ZMYM2: variants seen among roughly 807,000 people sequenced by gnomAD.
ZMYM2 encodes the protein zinc finger MYM-type containing 2.
Under a neutral mutation model 162.8 loss-of-function variants are expected in ZMYM2, and 56 were observed. The observed-to-expected ratio is 0.34, with a 90% confidence interval of 0.28 to 0.43. The LOEUF is 0.43. Ranked by LOEUF, ZMYM2 falls within the 20% of genes least tolerant of loss-of-function variation. ZMYM2 has a pLI of 1.00. For synonymous variants in ZMYM2, 510 were observed against 541.6 expected, an observed-to-expected ratio of 0.94 and a Z score of 0.81; for missense variants, 1,275 against 1,621.8, an observed-to-expected ratio of 0.79 and a Z score of 3.67.
At chr13:19,987,620 C>T (rs1293130499) in intron 2 of ZMYM2, among the ~76,000 whole-genome samples, 2 of 121,300 alleles carry the variant, frequency 1.6e-5, no homozygotes, top group Non-Finnish European at 3.3e-5. Flanking sequence ...GGGGTTTTGT[C>T]GTGTGTGTGT....
intron 9 of ZMYM2, among the ~76,000 whole-genome samples, chr13:20,029,305 G>A (rs184128236): frequency 3.3e-5 from 5 of 152,308 alleles, no homozygotes; most frequent in African/African-American, 9.6e-5. Flanking sequence ...ATTAGATCAC[G>A]AGGGTGGAGC....
intron 21 of ZMYM2, among the ~76,000 whole-genome samples, chr13:20,081,743 T>C (rs1267248578): frequency 1.1e-4 from 16 of 152,134 alleles, no homozygotes; most frequent in Admixed American, 8.5e-4. Flanking sequence ...CTTTTTTTTT[T>C]CTGTCTGACA....
chr13:19,945,738 T>G, the ZMYM2 span, among the ~76,000 whole-genome samples: 2 of 151,728 alleles, frequency 1.3e-5, no homozygotes, highest in African/African-American at 4.8e-5. Flanking sequence ...TTAGAAAAGT[T>G]TTTTCACCAG....
the ZMYM2 span, among the ~76,000 whole-genome samples, chr13:19,870,101 A>G: frequency 6.6e-6 from 1 of 152,164 alleles, no homozygotes; most frequent in Non-Finnish European, 1.5e-5. Flanking sequence ...TCATGTGGCT[A>G]TTAGCACGAG....
chr13:20,042,334 G>A (rs182491501), intron 12 of ZMYM2, among the ~76,000 whole-genome samples: 21 of 151,980 alleles, frequency 1.4e-4, no homozygotes, highest in African/African-American at 4.3e-4. Flanking sequence ...TCTTTCTTCC[G>A]CTTGGTCTAT....
At chr13:19,984,248 T>G (rs1213348911) in intron 2 of ZMYM2, among the ~76,000 whole-genome samples, 1 of 152,246 alleles carries the variant, frequency 6.6e-6, no homozygotes, top group African/African-American at 2.4e-5. Context: ...TTTTCATTGT[T>G]TTTTCATGAC....
chr13:19,992,438 T>C (rs1482869418), intron 2 of ZMYM2, among the ~76,000 whole-genome samples: 1 of 152,018 alleles, frequency 6.6e-6, no homozygotes, highest in Non-Finnish European at 1.5e-5. Context: ...GTGGTGGCGA[T>C]GGCCTGTAGT....
the ZMYM2 span, among the ~76,000 whole-genome samples, chr13:19,870,570 CCTT>C: frequency 1.2e-3 from 169 of 135,408 alleles, no homozygotes; most frequent in African/African-American, 4.7e-3. Flanking sequence ...TTCCTTCCTT[CCTT>C]CTTTCCTTTC....
At chr13:19,976,744 C>T (rs935347218) in intron 2 of ZMYM2, among the ~76,000 whole-genome samples, 6 of 152,266 alleles carry the variant, frequency 3.9e-5, no homozygotes, top group African/African-American at 1.2e-4. Context: ...GAATTTTCTT[C>T]CTTTTAGAAG....
intron 12 of ZMYM2, among the ~76,000 whole-genome samples, chr13:20,048,214 T>C (rs1298840231): frequency 6.6e-6 from 1 of 152,020 alleles, no homozygotes; most frequent in African/African-American, 2.4e-5. Flanking sequence ...CTAATAGTCT[T>C]AACAGTATGA....
chr13:19,888,275 A>G, the ZMYM2 span, among the ~76,000 whole-genome samples: 1 of 151,178 alleles, frequency 6.6e-6, no homozygotes, highest in South Asian at 2.1e-4. Flanking sequence ...CGCAGTCTCG[A>G]CCTCCTGGGC....
At chr13:20,065,048 A>G (rs1196920104) in intron 19 of ZMYM2, among the ~76,000 whole-genome samples, 1 of 152,162 alleles carries the variant, frequency 6.6e-6, no homozygotes. Flanking sequence ...ACCAACACAC[A>G]TAGAAAGACA....
At chr13:19,951,994 A>T in the ZMYM2 span, among the ~76,000 whole-genome samples, 1 of 152,170 alleles carries the variant, frequency 6.6e-6, no homozygotes. Context: ...GTAAGTGTCC[A>T]TCAACAGATG....
chr13:20,010,399 G>A (rs1390840489), intron 6 of ZMYM2, among the ~76,000 whole-genome samples: 1 of 151,816 alleles, frequency 6.6e-6, no homozygotes, highest in East Asian at 1.9e-4. Flanking sequence ...GGTTTCATTC[G>A]CCATGTTGTT....
chr13:20,002,897 C>T lies in ZMYM2; in HGVS notation c.895C>T (p.Pro299Ser). 2 of 1,614,130 alleles carry T rather than the reference C, an allele frequency of 1.2e-6. No individual in the cohort carries two copies. The highest frequency in any genetic ancestry group is 2.2e-5 in the East Asian group (1 of 44,884). ...SASFPRNQKQ[P>S]GVDSLSPVAS... ...TTCATTTCCCCGTAATCAGAAACAA[C>T]CAGGGGTGGACTCTTTATCACCAGT... is the stretch of plus-strand genomic sequence containing the variant. Residue 299 changes from proline to serine, a missense_variant, in exon 4 of 25, where the codon CCA becomes TCA. By Grantham distance (74) the Pro-to-Ser change is moderately conservative (BLOSUM62 -1). This residue lies in a region of ZMYM2 where 115 missense variants were observed against 175.3 expected (regional missense o/e 0.66). Coordinates refer to ENST00000610343, the MANE Select transcript of ZMYM2 (RefSeq NM_197968.4).
intron 2 of ZMYM2, among the ~76,000 whole-genome samples, chr13:19,969,732 A>G (rs953600560): frequency 6.6e-6 from 1 of 152,152 alleles, no homozygotes; most frequent in South Asian, 2.1e-4. Context: ...ATTGAATTGT[A>G]AGTGATAAGA....
At chr13:20,004,290 T>C (rs1036838584) in intron 4 of ZMYM2, among the ~76,000 whole-genome samples, 6 of 152,180 alleles carry the variant, frequency 3.9e-5, no homozygotes, top group African/African-American at 1.4e-4. Flanking sequence ...ATTCTCGCTC[T>C]GTCGCCCTGG....
In ZMYM2 at chr13:20,082,087, G is replaced by A. The variant is rs1314306375; in HGVS notation, c.3525G>A (p.Leu1175=). ...GATACCAAACATTTGAGCAAGAATT[G>A]AATAAAATACTGCGAAGCTGGCAAC... The part of the protein sequence containing the change: ...DPGYQTFEQE[L]NKILRSWQPS... Residue 1175 remains leucine, a synonymous_variant, in exon 22 of 25, where the codon TTG becomes TTA. Transcript: ENST00000610343. The A allele has an allele frequency of 6.2e-7, 1 of 1,606,098 alleles. No homozygotes were observed. Among genetic ancestry groups the A allele is most frequent in the Non-Finnish European group, 8.5e-7 (1 of 1,177,432 alleles).
intron 12 of ZMYM2, among the ~76,000 whole-genome samples, chr13:20,043,399 T>C (rs531668369): frequency 5.3e-5 from 8 of 152,120 alleles, no homozygotes; most frequent in Non-Finnish European, 1.2e-4. Flanking sequence ...TAGTTGGTGC[T>C]GGGGTGCCTG....
Sources: allele counts gnomAD v4.1 joint callset (sites outside exome capture counted in the v4.1 genomes callset), GRCh38; gene constraint gnomAD v4.1.1; regional missense constraint gnomAD v4.1.1; transcripts MANE v1.5; gene names NCBI Gene and HGNC (gene_info 2026-07-23, HGNC 2026-07-21).